The following MFF variants were observed in gnomAD, a reference collection of about 807,000 sequenced individuals.
The protein encoded by MFF is mitochondrial fission factor.
A neutral mutation model predicts 36.9 loss-of-function variants in MFF; 12 were observed. That is an observed-to-expected ratio of 0.33 (90% CI 0.21 to 0.53). The LOEUF (loss-of-function observed/expected upper bound fraction) is 0.53. MFF is among the 20% of genes least tolerant of loss of function. MFF has a pLI of 0.95. For synonymous variants in MFF, 99 were observed against 126.2 expected, an observed-to-expected ratio of 0.78 and a Z score of 1.44; for missense variants, 348 against 366.6, an observed-to-expected ratio of 0.95 and a Z score of 0.42.
At chr2:227,354,842 C>CAGT (rs1319065724) in intron 7 of MFF, among the ~76,000 whole-genome samples, 1 of 152,092 alleles carries the variant, frequency 6.6e-6, no homozygotes, top group Non-Finnish European at 1.5e-5. Flanking sequence ...CGGGAGAACA[C>CAGT]AGTAGAGCAT....
chr2:227,326,297 C>G (rs1377932680), intron 1 of MFF, among the ~76,000 whole-genome samples: 7 of 151,868 alleles, frequency 4.6e-5, no homozygotes, highest in Non-Finnish European at 7.4e-5. Flanking sequence ...CTCTCATCCA[C>G]CGAGAGACTT....
At chr2:227,346,047 T>C (rs2075693694) in intron 5 of MFF, among the ~76,000 whole-genome samples, 1 of 152,200 alleles carries the variant, frequency 6.6e-6, no homozygotes, top group Non-Finnish European at 1.5e-5. Flanking sequence ...GGAGATTTTG[T>C]TTTTTAATTT....
rs568543585 is a variant in MFF, at chr2:227,340,657, A to G, written c.440+277A>G. The G allele has an allele frequency of 3.2e-5, 10 of 308,908 alleles. No individual in the cohort carries two copies. The East Asian group carries it at 4.5e-4, about 14-fold the overall frequency. The allele number at this position is 308,908 out of a possible 1,614,324, so 19.1% of individuals were successfully genotyped here. ...TTTCCAGCTTTGCTTCTAATGAGCT[A>G]TGTTAAACAGTGTAGCAAGACAAAT... On this transcript the variant is annotated intron_variant, in intron 5 of 8. Transcript: ENST00000304593.
intron 6 of MFF, among the ~76,000 whole-genome samples, chr2:227,351,220 A>G (rs1359915415): frequency 8.5e-5 from 13 of 152,210 alleles, no homozygotes; most frequent in Non-Finnish European, 2.9e-5. Flanking sequence ...TGTCTTAAGC[A>G]TATGTGATTT....
At chr2:227,326,643 T>G (rs2074166146) in intron 1 of MFF, among the ~76,000 whole-genome samples, 2 of 152,226 alleles carry the variant, frequency 1.3e-5, no homozygotes, top group Non-Finnish European at 2.9e-5. Context: ...AACCTTATTT[T>G]AAAGTTCATT....
At chr2:227,348,268 G>A (rs2075815017) in intron 6 of MFF, among the ~76,000 whole-genome samples, 1 of 152,112 alleles carries the variant, frequency 6.6e-6, no homozygotes, top group African/African-American at 2.4e-5. Flanking sequence ...TATGACTTCT[G>A]ACTTGCACTG....
chr2:227,340,158 C>T, intron 4 of MFF, 134 bp from the exon 5 acceptor site: 1 of 612,548 alleles, frequency 1.6e-6, no homozygotes, highest in Non-Finnish European at 2.8e-6. Context: ...TGCCTGGCAG[C>T]AATTCTTGGT....
intron 7 of MFF, among the ~76,000 whole-genome samples, chr2:227,353,067 G>A (rs1249517103): frequency 1.3e-5 from 2 of 152,142 alleles, no homozygotes; most frequent in African/African-American, 4.8e-5. Flanking sequence ...TACATATTTA[G>A]AAAGGAAATT....
chr2:227,335,699 C>T (rs373339946), intron 4 of MFF, among the ~76,000 whole-genome samples: 1 of 152,164 alleles, frequency 6.6e-6, no homozygotes, highest in East Asian at 1.9e-4. Context: ...AGCAGTTGTA[C>T]TTGAGTTCTT....
intron 4 of MFF, 94 bp downstream of exon 4, chr2:227,332,682 G>A (rs2074689471): frequency 1.1e-6 from 1 of 879,668 alleles, no homozygotes; most frequent in East Asian, 2.7e-5. Context: ...TTAGCAATAT[G>A]TCATGAAAGC....
chr2:227,331,669 G>A (rs866488946), intron 3 of MFF, among the ~76,000 whole-genome samples: 6 of 152,186 alleles, frequency 3.9e-5, no homozygotes, highest in Non-Finnish European at 8.8e-5. Flanking sequence ...TGTATTGTCA[G>A]TCTTTTTAAT....
At position 227,357,826 on chromosome 2, in the gene MFF, C is replaced by G. The variant is rs1331934977; in HGVS notation, c.*709C>G. 1 of 152,160 alleles carries G rather than the reference C, an allele frequency of 6.6e-6. No individual in the cohort carries two copies. Among genetic ancestry groups the G allele is most frequent in the Non-Finnish European group, 1.5e-5 (1 of 68,042 alleles). The allele number at this position is 152,160 out of a possible 1,614,324, so 9.4% of individuals were successfully genotyped here. On this transcript the variant is annotated 3_prime_UTR_variant, in exon 9 of 9. Transcript: ENST00000304593. ...TGTAGTGTATTTAATAAACTGTCAACCAAAGAAGTATTTGTCTGTTGAAGG... is the reference window on the plus strand; with the variant it reads ...TGTAGTGTATTTAATAAACTGTCAAGCAAAGAAGTATTTGTCTGTTGAAGG...
intron 5 of MFF, among the ~76,000 whole-genome samples, chr2:227,342,532 C>T (rs182106185): frequency 2.4e-4 from 36 of 152,200 alleles, no homozygotes; most frequent in Non-Finnish European, 4.4e-4. Context: ...TGCCTGTCTC[C>T]ACTTTATTTT....
chr2:227,347,282 A>T lies in MFF; in HGVS notation c.497A>T (p.Asp166Val). ...RVCPPHMLPE[D>V]GANLSSARGI... The stretch of plus-strand genomic sequence containing the variant: ...TGTCCTCCCCATATGTTACCTGAAG[A>T]TGGAGCTAATCTTTCCTCTGCTCGT... The change falls in exon 6 of 9, where the codon GAT (aspartate) becomes GTT (valine). Residue 166 changes from aspartate (D) to valine (V), a missense_variant. Transcript: ENST00000304593. The T allele has an allele frequency of 6.2e-7, 1 of 1,613,754 alleles. No homozygotes were observed. The highest frequency in any genetic ancestry group is 8.5e-7 in the Non-Finnish European group (1 of 1,179,772).
intron 1 of MFF, among the ~76,000 whole-genome samples, chr2:227,327,227 C>A (rs1244619367): frequency 6.6e-6 from 1 of 151,348 alleles, no homozygotes; most frequent in Non-Finnish European, 1.5e-5. Flanking sequence ...GTTTGGGAAC[C>A]ACTGGGCTTA....
chr2:227,352,992 T>C (rs1029171277), intron 7 of MFF, among the ~76,000 whole-genome samples: 1 of 152,202 alleles, frequency 6.6e-6, no homozygotes, highest in Non-Finnish European at 1.5e-5. Context: ...AAACCTGTCT[T>C]TGTTTGTAAG....
chr2:227,342,931 C>T lies in MFF; in HGVS notation c.440+2551C>T, dbSNP rs577397233. On this transcript the variant is annotated intron_variant, in intron 5 of 8. Coordinates refer to ENST00000304593, the MANE Select transcript of MFF (RefSeq NM_001277062.2). Reference sequence around the variant, plus strand: ...GACGTATGCTATCCTAATTATCTTCCTGTTTGGCTTTTTAGTACCTCTGTT... The same window carrying T: ...GACGTATGCTATCCTAATTATCTTCTTGTTTGGCTTTTTAGTACCTCTGTT... 51 of 833,318 alleles carry T rather than the reference C, an allele frequency of 6.1e-5. 3 individuals carry two copies. In the South Asian group the frequency reaches 1.0e-3, roughly 17 times the overall value. 51.6% of individuals were successfully genotyped at this position (833,318 alleles called of 1,614,324 possible). A position where few individuals can be genotyped will look rare whatever the true frequency, so the allele number is the denominator to read the frequency against.
At chr2:227,335,845 C>A (rs768065471) in intron 4 of MFF, among the ~76,000 whole-genome samples, 4 of 152,164 alleles carry the variant, frequency 2.6e-5, no homozygotes, top group Non-Finnish European at 5.9e-5. Flanking sequence ...TTTCAATATG[C>A]CTAATCTCCA....
chr2:227,339,030 C>T (rs1479505537), intron 4 of MFF, among the ~76,000 whole-genome samples: 2 of 151,670 alleles, frequency 1.3e-5, no homozygotes, highest in East Asian at 3.9e-4. Flanking sequence ...TGGCAAAACC[C>T]CCATCTCTAC....
Sources: gnomAD v4.1 joint callset for allele counts (sites outside exome capture counted in the v4.1 genomes callset) on GRCh38, gnomAD v4.1.1 for gene constraint, MANE v1.5 for transcripts, NCBI Gene and HGNC (gene_info 2026-07-23, HGNC 2026-07-21) for gene names.